Variants in AP3S1 observed in about 807,000 individuals in gnomAD.
AP3S1 encodes the protein AP-3 complex subunit sigma-1.
A neutral mutation model predicts 21.3 loss-of-function variants in AP3S1; 12 were observed. The ratio of observed to expected loss-of-function variants is 0.56; its 90% confidence interval spans 0.36 to 0.91. AP3S1 has a LOEUF of 0.91. Ranked by LOEUF, AP3S1 falls within the 40% of genes least tolerant of loss-of-function variation. AP3S1 has a pLI of 0.01. For synonymous variants in AP3S1, 48 were observed against 78.4 expected (o/e 0.61, Z 2.05); for missense variants, 116 against 225.0 (o/e 0.52, Z 3.10).
intron 1 of AP3S1, among the ~76,000 whole-genome samples, chr5:115,864,912 GAC>G (rs2112822436): frequency 6.6e-6 from 1 of 152,298 alleles, no homozygotes; most frequent in East Asian, 1.9e-4. Context: ...AGTTATTCAA[GAC>G]TGCTTTGACT....
chr5:115,874,330 A>G (rs1320656151), intron 3 of AP3S1, among the ~76,000 whole-genome samples: 3 of 152,122 alleles, frequency 2.0e-5, no homozygotes, highest in Non-Finnish European at 2.9e-5. Flanking sequence ...TGGAAGTGTT[A>G]AAATATTTAC....
At chr5:115,844,741 A>G (rs1417717663) in intron 1 of AP3S1, among the ~76,000 whole-genome samples, 3 of 152,128 alleles carry the variant, frequency 2.0e-5, no homozygotes, top group Non-Finnish European at 4.4e-5. Flanking sequence ...CATCACCTAA[A>G]CATTCCGTGA....
At chr5:115,858,539 T>C (rs1762950026) in intron 1 of AP3S1, among the ~76,000 whole-genome samples, 1 of 152,120 alleles carries the variant, frequency 6.6e-6, no homozygotes, top group Admixed American at 6.5e-5. Context: ...GGTCCTTTGG[T>C]CGTAGAAACT....
chr5:115,889,163 G>A (rs1315040754), intron 3 of AP3S1, among the ~76,000 whole-genome samples: 5 of 152,062 alleles, frequency 3.3e-5, no homozygotes, highest in African/African-American at 1.2e-4. Flanking sequence ...TGCACATTTA[G>A]TAGGTTCTGC....
At chr5:115,863,700 A>G (rs1580647899) in intron 1 of AP3S1, among the ~76,000 whole-genome samples, 1 of 152,250 alleles carries the variant, frequency 6.6e-6, no homozygotes, top group East Asian at 1.9e-4. Flanking sequence ...ATGTGGGCAC[A>G]GGAATGCTAT....
chr5:115,846,288 T>G (rs1762058420), intron 1 of AP3S1, among the ~76,000 whole-genome samples: 1 of 152,214 alleles, frequency 6.6e-6, no homozygotes. Context: ...GGATGACAGA[T>G]CTGAGCCACC....
chr5:115,911,546 C>T (rs948026771), intron 5 of AP3S1, among the ~76,000 whole-genome samples: 1 of 151,986 alleles, frequency 6.6e-6, no homozygotes. Context: ...AAAAATGATA[C>T]TACCTCCAGG....
chr5:115,888,877 A>G (rs1240663419), intron 3 of AP3S1, among the ~76,000 whole-genome samples: 1 of 152,174 alleles, frequency 6.6e-6, no homozygotes, highest in African/African-American at 2.4e-5. Context: ...TGGGCACTCT[A>G]TCTAAATTGT....
At chr5:115,912,888 T>C (rs1752213777) in intron 5 of AP3S1, among the ~76,000 whole-genome samples, 2 of 152,122 alleles carry the variant, frequency 1.3e-5, no homozygotes, top group South Asian at 4.1e-4. Context: ...TAAGGGTTTA[T>C]CCCTAAGAAA....
chr5:115,912,112 T>C (rs1282551082), intron 5 of AP3S1: 1 of 152,052 alleles, frequency 6.6e-6, no homozygotes, highest in Non-Finnish European at 1.5e-5. Context: ...CTGGCCTATT[T>C]TGTATCAGTC....
intron 3 of AP3S1, among the ~76,000 whole-genome samples, chr5:115,879,324 G>A (rs1749059369): frequency 6.6e-6 from 1 of 152,130 alleles, no homozygotes; most frequent in South Asian, 2.1e-4. Context: ...GTATGATATT[G>A]GCTATGGTTT....
intron 3 of AP3S1, among the ~76,000 whole-genome samples, chr5:115,877,456 G>C (rs1331579956): frequency 2.0e-5 from 3 of 152,084 alleles, no homozygotes. Context: ...GCAGTGTTTG[G>C]TTTTCTGTTC....
intron 1 of AP3S1, chr5:115,842,428 C>G (rs1170108398): frequency 4.0e-6 from 1 of 247,548 alleles, no homozygotes; most frequent in African/African-American, 2.3e-5. Flanking sequence ...CGCAGCCCAG[C>G]CGCGCCGCGG....
chr5:115,913,222 C>T, intron 5 of AP3S1, 140 bp from the exon 6 acceptor site: 1 of 740,092 alleles, frequency 1.4e-6, no homozygotes. Flanking sequence ...GTAACCATTC[C>T]ATACCAATTC....
chr5:115,897,269 C>T (rs189794668), intron 4 of AP3S1, among the ~76,000 whole-genome samples: 22 of 152,204 alleles, frequency 1.4e-4, no homozygotes, highest in South Asian at 4.1e-4. Flanking sequence ...GTTCATTTTA[C>T]ACAACACTAT....
At chr5:115,866,527 G>A (rs1218351153) in intron 1 of AP3S1, 143 bp from the exon 2 acceptor site, 2 of 428,778 alleles carry the variant, frequency 4.7e-6, no homozygotes, top group African/African-American at 4.1e-5. Flanking sequence ...CTTCTGTAAG[G>A]TATAATTTAA....
intron 1 of AP3S1, among the ~76,000 whole-genome samples, chr5:115,844,074 GT>G (rs1561464228): frequency 1.3e-5 from 2 of 152,218 alleles, no homozygotes; most frequent in East Asian, 3.9e-4. Flanking sequence ...GTTTCTATAA[GT>G]TGGGTTTTGC....
chr5:115,876,158 C>T (rs1396224598), intron 3 of AP3S1, among the ~76,000 whole-genome samples: 2 of 152,120 alleles, frequency 1.3e-5, no homozygotes, highest in East Asian at 1.9e-4. Flanking sequence ...CATCTGTCCC[C>T]AGTTTTCTTT....
At chr5:115,903,919 TA>T (rs1350642118) in intron 5 of AP3S1, 1 of 151,926 alleles carries the variant, frequency 6.6e-6, no homozygotes, top group African/African-American at 2.4e-5. Context: ...AAAATAAAAA[TA>T]AAAAATAAAT....
Sources: gnomAD v4.1 joint callset for allele counts (sites outside exome capture counted in the v4.1 genomes callset) on GRCh38, gnomAD v4.1.1 for gene constraint, MANE v1.5 for transcripts, NCBI Gene and HGNC (gene_info 2026-07-23, HGNC 2026-07-21) for gene names.